Variants in ANO4 observed in about 807,000 individuals in gnomAD.
ANO4 encodes the protein anoctamin 4, also known as anoctamin-4.
A neutral mutation model predicts 141.9 loss-of-function variants in ANO4; 69 were observed. The observed-to-expected ratio is 0.49, with a 90% CI of 0.40 to 0.59. The LOEUF (loss-of-function observed/expected upper bound fraction) is 0.59. Among genes scored for constraint, ANO4 ranks in the 20% least tolerant of loss-of-function variants. The probability of loss-of-function intolerance (pLI) is 0.00; values close to 1 mark genes in which losing one functional copy is unlikely to be tolerated. For missense variants in ANO4, 894 were observed against 1,162.2 expected, an observed-to-expected ratio of 0.77 and a Z score of 3.36; for synonymous variants, 350 against 394.3, an observed-to-expected ratio of 0.89 and a Z score of 1.33.
rs71464239 is a variant in ANO4 at position 100,753,092 on chromosome 12, A to G, written c.358+12987A>G. 8.4e-4 allele frequency among the ~76,000 whole-genome samples: 128 copies of G among 152,304 alleles called. 1 individual carries two copies. Among genetic ancestry groups the G allele is most frequent in the South Asian group, 5.0e-3 (24 of 4,828 alleles). On this transcript the variant is annotated intron_variant, in intron 3 of 29. Transcript: ENST00000644049. ...GTGCTTCCTGGCACATTCTCATGAC[A>G]GTGGTGGAAGTGCCAGAGAAGGGGC...
intron 14 of ANO4, among the ~76,000 whole-genome samples, chr12:101,053,476 G>A (rs1310657317): frequency 1.3e-5 from 2 of 152,194 alleles, no homozygotes; most frequent in African/African-American, 4.8e-5. Flanking sequence ...CAAGGTGTCA[G>A]TGGGATTCTG....
intron 7 of ANO4, among the ~76,000 whole-genome samples, chr12:100,982,483 A>G (rs2044513762): frequency 6.6e-6 from 1 of 152,236 alleles, no homozygotes; most frequent in Admixed American, 6.5e-5. Flanking sequence ...TCAATCTACT[A>G]GGGAGATTCA....
chr12:100,888,694 G>T (rs957336643), intron 1 of ANO4, among the ~76,000 whole-genome samples: 5 of 152,222 alleles, frequency 3.3e-5, no homozygotes, highest in African/African-American at 4.8e-5. Flanking sequence ...AACAGGTGGA[G>T]AATGGATTTG....
intron 3 of ANO4, among the ~76,000 whole-genome samples, chr12:100,928,906 C>A (rs2041980145): frequency 6.6e-6 from 1 of 152,114 alleles, no homozygotes; most frequent in Admixed American, 6.6e-5. Context: ...ACAATACCAT[C>A]ATCTGTGCTG....
intron 14 of ANO4, among the ~76,000 whole-genome samples, chr12:101,075,526 A>G (rs2048985143): frequency 6.6e-6 from 1 of 151,830 alleles, no homozygotes; most frequent in South Asian, 2.1e-4. Context: ...AAAAGAAAAA[A>G]AAAAAAAACA....
At chr12:100,872,610 G>C (rs1195044562) in intron 1 of ANO4, among the ~76,000 whole-genome samples, 1 of 152,162 alleles carries the variant, frequency 6.6e-6, no homozygotes, top group African/African-American at 2.4e-5. Context: ...ACATGTTATA[G>C]TAAGAACCTT....
chr12:100,992,326 C>G (rs2045169053), intron 8 of ANO4, among the ~76,000 whole-genome samples: 1 of 152,228 alleles, frequency 6.6e-6, no homozygotes, highest in Non-Finnish European at 1.5e-5. Flanking sequence ...ATCTGCCTTT[C>G]TTGCCTCCCA....
At chr12:100,922,369 GA>G in intron 3 of ANO4, 39 bp downstream of exon 3, 1 of 1,430,896 alleles carries the variant, frequency 7.0e-7, no homozygotes, top group Admixed American at 2.3e-5. Flanking sequence ...CGTGAGAGAA[GA>G]AGCTATTATA....
intron 7 of ANO4, among the ~76,000 whole-genome samples, chr12:100,982,673 G>C (rs2044527494): frequency 6.6e-6 from 1 of 152,166 alleles, no homozygotes; most frequent in African/African-American, 2.4e-5. Flanking sequence ...TTGTTCTATG[G>C]ATTCTGTTGG....
At chr12:100,727,093 T>C (rs1593232751) in intron 1 of ANO4, among the ~76,000 whole-genome samples, 1 of 152,298 alleles carries the variant, frequency 6.6e-6, no homozygotes, top group East Asian at 1.9e-4. Context: ...GTCTAAAGTA[T>C]GGTCAAGTTT....
At chr12:101,089,283 G>A (rs952720900) in intron 17 of ANO4, among the ~76,000 whole-genome samples, 2 of 151,884 alleles carry the variant, frequency 1.3e-5, no homozygotes, top group South Asian at 2.1e-4. Context: ...TTAAATGCAG[G>A]TAGCTCATTA....
At chr12:101,061,467 G>T (rs893619158) in intron 14 of ANO4, among the ~76,000 whole-genome samples, 44 of 152,204 alleles carry the variant, frequency 2.9e-4, no homozygotes, top group Non-Finnish European at 4.7e-4. Context: ...ATAATATCCT[G>T]AAGAGTGTTT....
At chr12:101,126,355 G>C (rs2051313733) in intron 26 of ANO4, among the ~76,000 whole-genome samples, 1 of 151,860 alleles carries the variant, frequency 6.6e-6, no homozygotes, top group Non-Finnish European at 1.5e-5. Flanking sequence ...ATTTGTGACT[G>C]TTTACCAAAA....
At chr12:101,111,765 G>A (rs759629745) in intron 24 of ANO4, 55 bp downstream of exon 24, 1 of 1,492,394 alleles carries the variant, frequency 6.7e-7, no homozygotes, top group Non-Finnish European at 9.0e-7. Flanking sequence ...ATTTTTTGAG[G>A]TTGGACACTC....
intron 16 of ANO4, among the ~76,000 whole-genome samples, chr12:101,086,205 T>C (rs564678592): frequency 6.6e-6 from 1 of 151,710 alleles, no homozygotes; most frequent in East Asian, 1.9e-4. Flanking sequence ...CCGTTTGATG[T>C]AATGAGAGAA....
chr12:100,936,712 C>G (rs2042302403), intron 3 of ANO4, among the ~76,000 whole-genome samples: 1 of 152,124 alleles, frequency 6.6e-6, no homozygotes, highest in African/African-American at 2.4e-5. Context: ...ATCTCTTCTG[C>G]CTTCTCATAT....
intron 1 of ANO4, among the ~76,000 whole-genome samples, chr12:100,898,994 T>C (rs1309504293): frequency 6.6e-6 from 1 of 152,106 alleles, no homozygotes; most frequent in Admixed American, 6.5e-5. Flanking sequence ...CAGAGCATGG[T>C]GGAGTGGAAG....
At chr12:100,878,149 C>T (rs1167319195) in intron 1 of ANO4, among the ~76,000 whole-genome samples, 2 of 152,080 alleles carry the variant, frequency 1.3e-5, no homozygotes, top group Non-Finnish European at 2.9e-5. Flanking sequence ...AAAAGTATCA[C>T]TGAGTTTGAT....
chr12:100,948,861 T>G (rs149030271), intron 5 of ANO4, among the ~76,000 whole-genome samples: 1,743 of 152,266 alleles, frequency 0.011, 19 homozygotes, highest in Non-Finnish European at 0.015. Flanking sequence ...TATGACAAAT[T>G]TAATGGGATG....
Sources: gnomAD v4.1 joint callset for allele counts (sites outside exome capture counted in the v4.1 genomes callset) on GRCh38, gnomAD v4.1.1 for gene constraint, MANE v1.5 for transcripts, NCBI Gene and HGNC (gene_info 2026-07-23, HGNC 2026-07-21) for gene names.